The following DAPK2 variants were observed in gnomAD, a reference collection of about 807,000 sequenced individuals.
DAPK2 encodes death-associated protein kinase 2.
DAPK2 carries 35 observed loss-of-function variants against 44.1 expected under a neutral mutation model. The observed-to-expected ratio is 0.79, with a 90% CI of 0.61 to 1.05. DAPK2 has a LOEUF of 1.05. Among genes scored for constraint, DAPK2 ranks in the 50% least tolerant of loss-of-function variants. The pLI is 0.00. For synonymous variants in DAPK2, 174 were observed against 182.6 expected, an observed-to-expected ratio of 0.95 and a Z score of 0.38; for missense variants, 453 against 483.2, an observed-to-expected ratio of 0.94 and a Z score of 0.59.
intron 3 of DAPK2, among the ~76,000 whole-genome samples, chr15:63,963,159 G>T (rs1376071435): frequency 6.6e-6 from 1 of 152,222 alleles, no homozygotes; most frequent in Non-Finnish European, 1.5e-5. Context: ...CCAGGCACGG[G>T]ATACAATCTC....
chr15:64,042,394 C>T (rs1247495220), upstream of DAPK2, among the ~76,000 whole-genome samples: 1 of 152,116 alleles, frequency 6.6e-6, no homozygotes, highest in African/African-American at 2.4e-5. This position sits in a 1 kb window ranked among gnomAD's most constrained non-coding sequence, Gnocchi z 4.7. Context: ...TGGGTCAGGT[C>T]CTGCAGGGTG....
At chr15:64,029,748 T>A (rs1482318349) in intron 1 of DAPK2, 1 of 152,316 alleles carries the variant, frequency 6.6e-6, no homozygotes, top group Non-Finnish European at 1.5e-5. Flanking sequence ...CACATACTCA[T>A]AAGCTCCTTC....
At chr15:64,039,542 A>G (rs2080300675) in intron 1 of DAPK2, among the ~76,000 whole-genome samples, 1 of 152,246 alleles carries the variant, frequency 6.6e-6, no homozygotes, top group Admixed American at 6.5e-5. Flanking sequence ...CCACCTAAAT[A>G]TTAGCAGCTG....
chr15:63,924,683 C>T, intron 8 of DAPK2, 133 bp downstream of exon 9: 1 of 975,152 alleles, frequency 1.0e-6, no homozygotes, highest in Non-Finnish European at 1.6e-6. Flanking sequence ...CCCTGGCTAG[C>T]TTTCATCTGT....
At chr15:64,018,777 C>T (rs2079604906) in intron 1 of DAPK2, among the ~76,000 whole-genome samples, 1 of 152,222 alleles carries the variant, frequency 6.6e-6, no homozygotes, top group Non-Finnish European at 1.5e-5. Context: ...ACGCATGTAC[C>T]TTATTTGTTA....
chr15:63,967,667 G>A (rs886474044), intron 3 of DAPK2, among the ~76,000 whole-genome samples: 1 of 152,144 alleles, frequency 6.6e-6, no homozygotes, highest in Non-Finnish European at 1.5e-5. Flanking sequence ...CTCCAACCTG[G>A]GCAACAGAGC....
chr15:63,988,050 T>C (rs1486886632), intron 1 of DAPK2, among the ~76,000 whole-genome samples: 11 of 152,140 alleles, frequency 7.2e-5, no homozygotes, highest in Admixed American at 6.5e-4. Flanking sequence ...GATGGTTTCG[T>C]GAGGGACAGT....
Position 64,033,329 on chromosome 15 carries a change from A to AGGAAGGAAGGAAGG in DAPK2, c.92+6840_92+6841insCCTTCCTTCCTTCC, listed in dbSNP as rs1158179065. ...GGAAGGAAGGAAGGAAGGAAGGAAA[A>AGGAAGGAAGGAAGG]AAAAAATAGCTGCTGGGTTAACTCC... is the stretch of plus-strand genomic sequence containing the variant. On this transcript the variant is annotated intron_variant, in intron 1 of 10. Transcript: ENST00000261891. Among the ~76,000 whole-genome samples the AGGAAGGAAGGAAGG allele has an allele frequency of 2.4e-3, 237 of 99,048 alleles. 6 individuals carry two copies. The highest frequency in any genetic ancestry group is 9.6e-3 in the African/African-American group (220 of 23,026). 65.0% of individuals were successfully genotyped at this position (99,048 alleles called of 152,430 possible). A position where few individuals can be genotyped will look rare whatever the true frequency, so the allele number is the denominator to read the frequency against.
chr15:63,929,406 G>A, intron 6 of DAPK2, 145 bp downstream of exon 7: 1 of 1,015,582 alleles, frequency 9.8e-7, no homozygotes, highest in Non-Finnish European at 1.5e-6. Context: ...ACAGCACTTA[G>A]CCTCAGGCTT....
At chr15:63,976,907 C>CATT (rs2078365625) in intron 2 of DAPK2, among the ~76,000 whole-genome samples, 2 of 152,192 alleles carry the variant, frequency 1.3e-5, no homozygotes, top group South Asian at 4.1e-4. Context: ...ATGTGGTTCA[C>CATT]ATTACATTTC....
chr15:63,963,318 C>T (rs1367348822), intron 3 of DAPK2, among the ~76,000 whole-genome samples: 1 of 151,948 alleles, frequency 6.6e-6, no homozygotes, highest in Non-Finnish European at 1.5e-5. Flanking sequence ...CGATGCCCCT[C>T]CCTGCTCCAT....
chr15:63,976,225 G>A (rs2078342541), intron 2 of DAPK2, among the ~76,000 whole-genome samples: 1 of 152,224 alleles, frequency 6.6e-6, no homozygotes, highest in Admixed American at 6.5e-5. Context: ...CTGTCCAATA[G>A]AGTAGCCACT....
At chr15:63,991,034 C>A (rs2078802249) in intron 1 of DAPK2, among the ~76,000 whole-genome samples, 3 of 152,166 alleles carry the variant, frequency 2.0e-5, no homozygotes, top group African/African-American at 7.2e-5. Context: ...CATCTTCCAG[C>A]CAGGCCACTC....
intron 3 of DAPK2, among the ~76,000 whole-genome samples, chr15:63,956,625 C>T (rs1033199995): frequency 7.9e-5 from 12 of 151,346 alleles, no homozygotes; most frequent in African/African-American, 2.9e-4. Flanking sequence ...CGCACTCCGT[C>T]GCCCAGGCTG....
At chr15:64,040,472 A>T (rs2080323123), upstream of DAPK2, among the ~76,000 whole-genome samples, 1 of 152,112 alleles carries the variant, frequency 6.6e-6, no homozygotes, top group Non-Finnish European at 1.5e-5. Flanking sequence ...TACGAATTCA[A>T]ATTTGTTAAG....
upstream of DAPK2, among the ~76,000 whole-genome samples, chr15:64,044,907 G>C (rs1393295762): frequency 6.6e-6 from 1 of 152,110 alleles, no homozygotes; most frequent in East Asian, 1.9e-4. Flanking sequence ...TCACACTCAG[G>C]CTCTGGAGAG....
At chr15:63,996,993 G>C (rs745716685) in intron 1 of DAPK2, among the ~76,000 whole-genome samples, 1 of 152,132 alleles carries the variant, frequency 6.6e-6, no homozygotes, top group Non-Finnish European at 1.5e-5. Context: ...GGCTGGGTGG[G>C]GACAGAAGGA....
intron 1 of DAPK2, among the ~76,000 whole-genome samples, chr15:64,027,774 G>A (rs958859402): frequency 1.3e-5 from 2 of 152,132 alleles, no homozygotes; most frequent in Non-Finnish European, 1.5e-5. Context: ...AAGCCACAAG[G>A]AAATAAGTAC....
upstream of DAPK2, among the ~76,000 whole-genome samples, chr15:64,042,589 G>A (rs1443042181): frequency 6.6e-6 from 1 of 152,186 alleles, no homozygotes; most frequent in African/African-American, 2.4e-5. The surrounding 1 kb of genome is among the most constrained non-coding windows in gnomAD (Gnocchi z 4.7). Flanking sequence ...CTCTGCCTTG[G>A]GCTCTATATC....
Sources: gnomAD v4.1 joint callset for allele counts (sites outside exome capture counted in the v4.1 genomes callset) on GRCh38, gnomAD v4.1.1 for gene constraint, Gnocchi (gnomAD v3.1) non-coding constraint, MANE v1.5 for transcripts, NCBI Gene and HGNC (gene_info 2026-07-23, HGNC 2026-07-21) for gene names.